Variants in THADA observed in about 807,000 individuals in gnomAD.
The protein encoded by THADA is tRNA (32-2'-O)-methyltransferase regulator THADA.
THADA carries 213 observed loss-of-function variants against 219.8 expected under a neutral mutation model. The ratio of observed to expected loss-of-function variants is 0.97; its 90% CI spans 0.87 to 1.09. THADA has a LOEUF of 1.09. Ranked by LOEUF, THADA falls within the 50% of genes least tolerant of loss-of-function variation. THADA has a pLI of 0.00. For synonymous variants in THADA, 1,018 were observed against 828.9 expected, an observed-to-expected ratio of 1.23 and a Z score of -3.92; for missense variants, 2,956 against 2,311.3, an observed-to-expected ratio of 1.28 and a Z score of -5.72.
In THADA at chr2:43,578,978, C is replaced by A. The variant is rs111250363; in HGVS notation, c.722-371G>T. On this transcript the variant is annotated intron_variant, in intron 8 of 37. Transcript: ENST00000405975. ...TCCCAAGTAGCTGGGACTACAGGCGCGTGCCACCACACCCAGCTAATTTTT... is the reference window on the plus strand; with the variant it reads ...TCCCAAGTAGCTGGGACTACAGGCGAGTGCCACCACACCCAGCTAATTTTT... 9.5e-3 allele frequency among the ~76,000 whole-genome samples: 1,450 copies of A among 152,210 alleles called. 19 individuals are homozygous for A. The highest frequency in any genetic ancestry group is 0.032 in the African/African-American group (1,312 of 41,536).
At chr2:43,418,091 C>T (rs1677223262) in intron 28 of THADA, among the ~76,000 whole-genome samples, 1 of 152,164 alleles carries the variant, frequency 6.6e-6, no homozygotes, top group African/African-American at 2.4e-5. Context: ...CTGTCTGATT[C>T]ACCACTCTGT....
At chr2:43,587,722 T>A (rs569932956) in intron 4 of THADA, among the ~76,000 whole-genome samples, 15 of 152,330 alleles carry the variant, frequency 9.8e-5, no homozygotes, top group Admixed American at 9.8e-4. Flanking sequence ...CCATCTAATA[T>A]CCTATAAATG....
rs770303864 is a variant in THADA at position 43,528,003 on chromosome 2, C to G, written c.3265-15G>C. 2.5e-6 allele frequency: 4 copies of G among 1,571,416 alleles called. No homozygotes were observed. The South Asian group carries it at 4.5e-5, about 18-fold the overall frequency. Reference sequence around the variant, plus strand: ...ATTTCTTTTACCTTTAAAAAAAAAGCAAAAACAAATGTCCGATTTATGTTT... The same window carrying G: ...ATTTCTTTTACCTTTAAAAAAAAAGGAAAAACAAATGTCCGATTTATGTTT... On this transcript the variant is annotated splice_polypyrimidine_tract_variant and intron_variant, in intron 21 of 37. Transcript: ENST00000405975.
intron 29 of THADA, among the ~76,000 whole-genome samples, chr2:43,384,353 G>T (rs1391970607): frequency 2.1e-5 from 3 of 143,132 alleles, no homozygotes; most frequent in Admixed American, 1.4e-4. Context: ...CCACTGCTTG[G>T]GGATTACAGG....
intron 36 of THADA, among the ~76,000 whole-genome samples, chr2:43,233,683 C>T (rs1667705816): frequency 6.6e-6 from 1 of 152,014 alleles, no homozygotes; most frequent in East Asian, 1.9e-4. Flanking sequence ...AGCAGGGGGC[C>T]TTGGGGAAAC....
intron 24 of THADA, among the ~76,000 whole-genome samples, chr2:43,499,731 T>TA (rs1688699822): frequency 6.8e-6 from 1 of 146,990 alleles, no homozygotes. Context: ...CTGGTCAAAT[T>TA]TTTTTTTTTA....
At chr2:43,462,063 C>A (rs1004204289) in intron 26 of THADA, among the ~76,000 whole-genome samples, 3 of 152,146 alleles carry the variant, frequency 2.0e-5, no homozygotes, top group African/African-American at 7.2e-5. Flanking sequence ...AGGAAGGCTG[C>A]TGAATCAAGG....
chr2:43,340,079 T>C (rs13414381), intron 30 of THADA, among the ~76,000 whole-genome samples: 26,506 of 152,224 alleles, frequency 0.17, 3,129 homozygotes, highest in African/African-American at 0.33. Context: ...GCTACTCTCA[T>C]TTCGTTTCTG....
At chr2:43,292,431 G>A (rs1674843228) in intron 32 of THADA, among the ~76,000 whole-genome samples, 1 of 152,186 alleles carries the variant, frequency 6.6e-6, no homozygotes, top group Admixed American at 6.5e-5. Flanking sequence ...TGGGATGGGA[G>A]CCAGATGCCC....
At chr2:43,541,095 A>T (rs1274520775) in intron 21 of THADA, 64 bp downstream of exon 21, 11 of 1,038,292 alleles carry the variant, frequency 1.1e-5, no homozygotes, top group African/African-American at 1.7e-5. Context: ...GTTGGGTTAT[A>T]AAAAAAAAAG....
chr2:43,454,803 T>A (rs563528691), intron 26 of THADA, among the ~76,000 whole-genome samples: 71 of 152,304 alleles, frequency 4.7e-4, no homozygotes, highest in Non-Finnish European at 8.4e-4. Context: ...TAGCTCCAAG[T>A]GTGATTAACA....
chr2:43,532,927 G>C (rs1454167007), intron 21 of THADA, among the ~76,000 whole-genome samples: 2 of 152,142 alleles, frequency 1.3e-5, no homozygotes, highest in Non-Finnish European at 2.9e-5. Flanking sequence ...CTCAGCAAAA[G>C]AAACTATCAT....
intron 30 of THADA, among the ~76,000 whole-genome samples, chr2:43,339,162 T>C (rs1013779921): frequency 7.2e-5 from 11 of 152,212 alleles, no homozygotes; most frequent in African/African-American, 2.4e-4. Flanking sequence ...AATTTTGTAC[T>C]TGACTAATTT....
At chr2:43,246,608 G>A (rs772902679) in intron 36 of THADA, among the ~76,000 whole-genome samples, 3 of 152,104 alleles carry the variant, frequency 2.0e-5, no homozygotes, top group Non-Finnish European at 4.4e-5. Flanking sequence ...AACAAATACA[G>A]TTTATGGTAA....
At chr2:43,595,156 C>A (rs752337691) in intron 1 of THADA, among the ~76,000 whole-genome samples, 5 of 152,188 alleles carry the variant, frequency 3.3e-5, no homozygotes, top group Admixed American at 1.3e-4. Flanking sequence ...GGATATATGT[C>A]TTTAAGGGCA....
chr2:43,386,784 C>T (rs1477065359), intron 29 of THADA, among the ~76,000 whole-genome samples: 1 of 151,422 alleles, frequency 6.6e-6, no homozygotes, highest in Non-Finnish European at 1.5e-5. Context: ...GTAATTCCAG[C>T]TACTCGGGAG....
At chr2:43,439,992 AAT>A (rs1171073873) in intron 26 of THADA, among the ~76,000 whole-genome samples, 2 of 152,236 alleles carry the variant, frequency 1.3e-5, no homozygotes, top group Admixed American at 6.5e-5. Flanking sequence ...TTTTATCCAA[AAT>A]ATGTTCATTT....
chr2:43,486,551 A>G (rs1214851321), intron 25 of THADA: 1 of 152,206 alleles, frequency 6.6e-6, no homozygotes, highest in African/African-American at 2.4e-5. Flanking sequence ...TGACATAACC[A>G]CATGGTGTGT....
chr2:43,350,477 CT>C (rs1668128230), intron 29 of THADA, among the ~76,000 whole-genome samples: 1 of 152,244 alleles, frequency 6.6e-6, no homozygotes, highest in African/African-American at 2.4e-5. Context: ...TTGTTTTCCG[CT>C]TCAGGCATAT....
Sources: gnomAD v4.1 joint callset for allele counts (sites outside exome capture counted in the v4.1 genomes callset) on GRCh38, gnomAD v4.1.1 for gene constraint, MANE v1.5 for transcripts, NCBI Gene and HGNC (gene_info 2026-07-23, HGNC 2026-07-21) for gene names.